SYK: variants seen among roughly 807,000 people sequenced by gnomAD.
SYK encodes tyrosine-protein kinase SYK.
A neutral mutation model predicts 77.8 loss-of-function variants in SYK; 16 were observed. That is an observed-to-expected ratio of 0.21 (90% CI 0.14 to 0.31). The LOEUF is 0.31. Among genes scored for constraint, SYK ranks in the 10% least tolerant of loss-of-function variants. The probability of loss-of-function intolerance (pLI) is 1.00; values close to 1 mark genes in which losing one functional copy is unlikely to be tolerated. For synonymous variants in SYK, 312 were observed against 308.7 expected (o/e 1.01, Z -0.11); for missense variants, 529 against 814.4 (o/e 0.65, Z 4.26).
chr9:90,804,925 C>G (rs1824754699), intron 1 of SYK, among the ~76,000 whole-genome samples: 1 of 150,694 alleles, frequency 6.6e-6, no homozygotes, highest in Non-Finnish European at 1.5e-5. Flanking sequence ...ATAATTTTAT[C>G]TGACCAATAT....
In SYK at chr9:90,872,284, G is replaced by C. The variant is rs143013281; in HGVS notation, c.916-1920G>C. Among the ~76,000 whole-genome samples the C allele has an allele frequency of 5.3e-4, 81 of 152,316 alleles. 1 individual carries two copies. Among genetic ancestry groups the C allele is most frequent in the African/African-American group, 1.7e-3 (69 of 41,578 alleles). ...GGGACAGGAGGTCTTATGTCAAGAA[G>C]AGGTGATGGTCCCTCTCCTCACCAG... On this transcript the variant is annotated intron_variant, in intron 7 of 13. Coordinates refer to ENST00000375754, the MANE Select transcript of SYK (RefSeq NM_003177.7).
chr9:90,875,448 A>T (rs1439616234), intron 9 of SYK, among the ~76,000 whole-genome samples: 1 of 152,064 alleles, frequency 6.6e-6, no homozygotes, highest in African/African-American at 2.4e-5. Flanking sequence ...ATATTTGTAT[A>T]ATACCATCCC....
rs1169468358 is a variant in SYK, at chr9:90,897,354, A to G, written c.*1754A>G. The G allele has an allele frequency of 1.3e-5, 3 of 231,402 alleles. No individual in the cohort carries two copies. The Admixed American group carries it at 1.7e-4, about 13-fold the overall frequency. The allele number at this position is 231,402 out of a possible 1,614,324, so 14.3% of individuals were successfully genotyped here. On this transcript the variant is annotated 3_prime_UTR_variant, in exon 14 of 14. Coordinates refer to ENST00000375754, the MANE Select transcript of SYK (RefSeq NM_003177.7). ...GACAGAATCCCTGAGTGCTGAGCAG[A>G]TTCTCAAAACACATTTAGAATCCCT...
At chr9:90,836,202 G>C (rs1826078110) in intron 1 of SYK, among the ~76,000 whole-genome samples, 1 of 151,686 alleles carries the variant, frequency 6.6e-6, no homozygotes, top group South Asian at 2.1e-4. Flanking sequence ...CAGGAGAACA[G>C]CGTGAACTGG....
At chr9:90,811,448 C>T (rs1825067349) in intron 1 of SYK, among the ~76,000 whole-genome samples, 3 of 151,986 alleles carry the variant, frequency 2.0e-5, no homozygotes, top group Admixed American at 2.0e-4. Flanking sequence ...TTCATTGCAA[C>T]ATTTTATTTT....
rs199623121 is a variant in SYK, at chr9:90,896,959, G to A, written c.*1359G>A. 2 of 199,434 alleles carry A rather than the reference G, an allele frequency of 1.0e-5. No homozygotes were observed. Among genetic ancestry groups the A allele is most frequent in the East Asian group, 7.8e-5 (1 of 12,786 alleles). The allele number at this position is 199,434 out of a possible 1,614,324, so 12.4% of individuals were successfully genotyped here. A position where few individuals can be genotyped will look rare whatever the true frequency, so the allele number is the denominator to read the frequency against. On this transcript the variant is annotated 3_prime_UTR_variant, in exon 14 of 14. Transcript: ENST00000375754. ...GGAGAATCGCTTGAACCCAGGAAACGGAGGTCGCAGTGAGCCAAGATCATG... is the reference window on the plus strand; with the variant it reads ...GGAGAATCGCTTGAACCCAGGAAACAGAGGTCGCAGTGAGCCAAGATCATG...
At chr9:90,874,904 T>A (rs1827870294) in intron 9 of SYK, 55 bp downstream of exon 9, 1 of 1,581,042 alleles carries the variant, frequency 6.3e-7, no homozygotes, top group East Asian at 2.2e-5. Flanking sequence ...GTTCTAGACA[T>A]GACTGAGAAT....
chr9:90,830,553 A>C (rs72729026), intron 1 of SYK, among the ~76,000 whole-genome samples: 1 of 150,168 alleles, frequency 6.7e-6, no homozygotes, highest in Non-Finnish European at 1.5e-5. Context: ...CAGCAAGATC[A>C]ATTCTCCCTC....
intron 7 of SYK, among the ~76,000 whole-genome samples, chr9:90,867,478 C>T (rs1407688812): frequency 2.0e-5 from 3 of 152,182 alleles, no homozygotes; most frequent in Non-Finnish European, 4.4e-5. Context: ...TTTCAGTTGG[C>T]GTCATCCGTC....
intron 13 of SYK, among the ~76,000 whole-genome samples, chr9:90,891,185 G>A (rs1185166826): frequency 7.7e-6 from 1 of 129,548 alleles, no homozygotes; most frequent in Admixed American, 9.1e-5. Flanking sequence ...TCACTCTGTC[G>A]CCCAGGCTGG....
chr9:90,861,911 G>T (rs1388923712), intron 3 of SYK, among the ~76,000 whole-genome samples: 1 of 152,202 alleles, frequency 6.6e-6, no homozygotes, highest in Non-Finnish European at 1.5e-5. Flanking sequence ...CCTGACCACT[G>T]CCCAGAGCTC....
intron 1 of SYK, among the ~76,000 whole-genome samples, chr9:90,828,535 C>G (rs1247338352): frequency 1.3e-5 from 2 of 152,062 alleles, no homozygotes; most frequent in Non-Finnish European, 2.9e-5. Flanking sequence ...CACTCAGGGT[C>G]AATATGCGCC....
At position 90,875,240 on chromosome 9, in the gene SYK, A is replaced by AAAAT. The variant is rs201667821; in HGVS notation, c.1181+415_1181+418dup. ...ATAGCAAGACCCTGTCTCTACAAAA[A>AAAAT]AAATAAATAAATAAATAAATAAATA... On this transcript the variant is annotated intron_variant, in intron 9 of 13. Coordinates refer to ENST00000375754, the MANE Select transcript of SYK (RefSeq NM_003177.7). 6.5e-3 allele frequency among the ~76,000 whole-genome samples: 979 copies of AAAAT among 151,096 alleles called. 14 individuals carry two copies. Among genetic ancestry groups the AAAAT allele is most frequent in the East Asian group, 0.026 (133 of 5,146 alleles).
intron 12 of SYK, 90 bp downstream of exon 12, chr9:90,887,979 C>A: frequency 1.4e-6 from 2 of 1,441,670 alleles, no homozygotes; most frequent in South Asian, 3.0e-5. Context: ...AAATCCTAAT[C>A]TGAGTCTCTC....
At chr9:90,817,882 T>TGTGTGTGAGAGA (rs1302553724) in intron 1 of SYK, among the ~76,000 whole-genome samples, 3 of 66,918 alleles carry the variant, frequency 4.5e-5, no homozygotes, top group African/African-American at 1.6e-4. Flanking sequence ...TGTGTGTGTG[T>TGTGTGTGAGAGA]GAGAGAGAGA....
At chr9:90,828,620 A>G (rs939459028) in intron 1 of SYK, among the ~76,000 whole-genome samples, 4 of 152,092 alleles carry the variant, frequency 2.6e-5, no homozygotes, top group African/African-American at 9.7e-5. Flanking sequence ...CTAAGTGGCA[A>G]TTTTGGTTGC....
At chr9:90,802,381 A>G (rs1826764977) in intron 1 of SYK, among the ~76,000 whole-genome samples, 1 of 152,202 alleles carries the variant, frequency 6.6e-6, no homozygotes, top group African/African-American at 2.4e-5. Flanking sequence ...AGCTTAGACA[A>G]ATCTTTTACT....
chr9:90,809,216 T>G (rs1378927826), intron 1 of SYK, among the ~76,000 whole-genome samples: 1 of 152,218 alleles, frequency 6.6e-6, no homozygotes, highest in African/African-American at 2.4e-5. Flanking sequence ...TCTGTCCTGC[T>G]TATTAGGATA....
intron 2 of SYK, 81 bp from the exon 3 acceptor site, chr9:90,845,353 C>T (rs1323173922): frequency 2.7e-6 from 4 of 1,468,146 alleles, no homozygotes; most frequent in African/African-American, 1.4e-5. Flanking sequence ...TGCCAGGACT[C>T]GAGATAGATT....
Sources: gnomAD v4.1 joint callset for allele counts (sites outside exome capture counted in the v4.1 genomes callset) on GRCh38, gnomAD v4.1.1 for gene constraint, MANE v1.5 for transcripts, NCBI Gene and HGNC (gene_info 2026-07-23, HGNC 2026-07-21) for gene names.